NFU1: variants seen among roughly 807,000 people sequenced by gnomAD.
The protein encoded by NFU1 is NFU1 iron-sulfur cluster scaffold homolog, mitochondrial.
In NFU1, 30 loss-of-function variants were observed where a neutral mutation model predicts 32.2. The ratio of observed to expected loss-of-function variants is 0.93; its 90% CI spans 0.70 to 1.26. The LOEUF (loss-of-function observed/expected upper bound fraction) is 1.26, where lower values mean the gene tolerates loss of function less well. Among genes scored for constraint, NFU1 ranks in the 50% most tolerant of loss-of-function variants. The probability of loss-of-function intolerance (pLI) is 0.00; values close to 1 mark genes in which losing one functional copy is unlikely to be tolerated. For missense variants in NFU1, 306 were observed against 306.6 expected (o/e 1.00, Z 0.02); for synonymous variants, 112 against 104.6 (o/e 1.07, Z -0.43).
chr2:69,434,250 T>A (rs149928123), intron 1 of NFU1, among the ~76,000 whole-genome samples: 71 of 151,974 alleles, frequency 4.7e-4, no homozygotes, highest in African/African-American at 1.7e-3. Context: ...GTTCAAGCAA[T>A]TCTCCGCCTC....
chr2:69,412,392 T>C (rs985400122), intron 5 of NFU1, among the ~76,000 whole-genome samples: 13 of 151,030 alleles, frequency 8.6e-5, no homozygotes, highest in African/African-American at 3.2e-4. Context: ...AATTTTCATT[T>C]ATTTATTTTT....
At chr2:69,408,200 C>T (rs1427226598) in intron 5 of NFU1, among the ~76,000 whole-genome samples, 1 of 152,048 alleles carries the variant, frequency 6.6e-6, no homozygotes, top group African/African-American at 2.4e-5. Context: ...TATAAATTAA[C>T]ACAAATGAGA....
At chr2:69,438,400 T>A (rs1673930666), upstream of NFU1, among the ~76,000 whole-genome samples, 1 of 152,058 alleles carries the variant, frequency 6.6e-6, no homozygotes, top group Admixed American at 6.6e-5. Flanking sequence ...ATTACAGGTG[T>A]GAGCCACGGT....
chr2:69,404,498 A>G (rs1264851827), intron 6 of NFU1, among the ~76,000 whole-genome samples: 2 of 151,686 alleles, frequency 1.3e-5, no homozygotes, highest in East Asian at 3.9e-4. Flanking sequence ...CAAAAAAAAA[A>G]TATCTGTATA....
intron 2 of NFU1, among the ~76,000 whole-genome samples, chr2:69,426,604 C>A (rs896684447): frequency 4.6e-5 from 7 of 151,966 alleles, no homozygotes; most frequent in African/African-American, 1.7e-4. Context: ...CTTATAATAT[C>A]TTTTTTCTAG....
intron 2 of NFU1, among the ~76,000 whole-genome samples, chr2:69,425,650 C>T (rs898629810): frequency 6.6e-6 from 1 of 151,408 alleles, no homozygotes; most frequent in Non-Finnish European, 1.5e-5. Context: ...CCACTGTGCC[C>T]GGCCTAATTT....
At chr2:69,399,118 G>C in intron 7 of NFU1, 2 of 224,862 alleles carry the variant, frequency 8.9e-6, no homozygotes, top group Admixed American at 5.6e-5. Flanking sequence ...TGAGGGATGG[G>C]AACTGCTTCA....
At chr2:69,433,210 T>C (rs1160712918) in intron 1 of NFU1, among the ~76,000 whole-genome samples, 1 of 149,592 alleles carries the variant, frequency 6.7e-6, no homozygotes, top group Non-Finnish European at 1.5e-5. Flanking sequence ...GGAGTCTCAC[T>C]GTTGTTGGCC....
chr2:69,408,194 A>C (rs1175676268), intron 5 of NFU1, among the ~76,000 whole-genome samples: 1 of 152,126 alleles, frequency 6.6e-6, no homozygotes, highest in East Asian at 1.9e-4. Flanking sequence ...TACATGTATA[A>C]ATTAACACAA....
intron 5 of NFU1, among the ~76,000 whole-genome samples, chr2:69,408,725 T>C (rs1672779858): frequency 7.7e-6 from 1 of 130,002 alleles, no homozygotes; most frequent in African/African-American, 2.7e-5. Flanking sequence ...CTCAAAAAAA[T>C]ATAAAATTTT....
Position 69,423,582 on chromosome 2 carries a change from C to G in NFU1, c.302G>C (p.Arg101Thr), listed in dbSNP as rs777966604. 4 of 1,612,698 alleles carry G rather than the reference C, an allele frequency of 2.5e-6. No homozygotes were observed. The highest frequency in any genetic ancestry group is 3.4e-6 in the Non-Finnish European group (4 of 1,179,820). Reference sequence around the variant, plus strand: ...AAAGCAAATGAAAACAGTAATATACCTAGCCAGAGGGGAGCGAAATGCTGC... The same window carrying G: ...AAAGCAAATGAAAACAGTAATATACGTAGCCAGAGGGGAGCGAAATGCTGC... ...PAAAFRSPLA[R>T]QLFRIEGVKS... The change falls in exon 3 of 8, where the codon AGG becomes ACG. Residue 101 changes from arginine (R) to threonine (T), a missense_variant and splice_region_variant. Transcript: ENST00000410022.
At chr2:69,414,596 T>C (rs1230838866) in intron 5 of NFU1, among the ~76,000 whole-genome samples, 5 of 120,808 alleles carry the variant, frequency 4.1e-5, no homozygotes, top group Non-Finnish European at 6.4e-5. Flanking sequence ...CCAACTGGGG[T>C]GACAGAGTGA....
At chr2:69,407,094 C>G (rs1051480799) in intron 5 of NFU1, among the ~76,000 whole-genome samples, 1 of 152,086 alleles carries the variant, frequency 6.6e-6, no homozygotes, top group African/African-American at 2.4e-5. Context: ...AACCTCTTTC[C>G]TTTATAAATT....
chr2:69,415,495 T>C (rs1254689840), intron 4 of NFU1, among the ~76,000 whole-genome samples, 196 bp from the exon 5 acceptor site: 2 of 151,996 alleles, frequency 1.3e-5, no homozygotes, highest in East Asian at 3.9e-4. Context: ...TTCTCCTGCC[T>C]CAGCCTCCCA....
chr2:69,422,407 C>A (rs1673276496), intron 3 of NFU1, among the ~76,000 whole-genome samples: 1 of 152,176 alleles, frequency 6.6e-6, no homozygotes, highest in South Asian at 2.1e-4. Flanking sequence ...TTTAAACATG[C>A]CTTTATCTGG....
At chr2:69,424,219 A>ATATATCTCTCTCTC (rs1427664911) in intron 2 of NFU1, among the ~76,000 whole-genome samples, 2 of 126,876 alleles carry the variant, frequency 1.6e-5, no homozygotes, top group Admixed American at 8.7e-5. Context: ...ATATATATAT[A>ATATATCTCTCTCTC]TCTCAATATA....
chr2:69,406,097 A>T lies in NFU1; in HGVS notation c.485-15T>A. The T allele has an allele frequency of 6.6e-7, 1 of 1,504,010 alleles. No homozygotes were observed. The highest frequency in any genetic ancestry group is 1.1e-5 in the South Asian group (1 of 88,776). 93.2% of individuals were successfully genotyped at this position (1,504,010 alleles called of 1,614,324 possible). A position where few individuals can be genotyped will look rare whatever the true frequency, so the allele number is the denominator to read the frequency against. On this transcript the variant is annotated splice_polypyrimidine_tract_variant and intron_variant, in intron 5 of 7. Transcript: ENST00000410022. The stretch of plus-strand genomic sequence containing the variant: ...TTCTTCAGATCCTAGAAATAATTAC[A>T]TATAAAAACATCAAGAGTAGAAATT...
intron 2 of NFU1, among the ~76,000 whole-genome samples, chr2:69,428,047 T>C (rs1040279412): frequency 2.6e-5 from 4 of 151,604 alleles, no homozygotes; most frequent in Non-Finnish European, 4.4e-5. Flanking sequence ...AAAAAGAAAA[T>C]GAACCTTCTG....
chr2:69,408,460 C>T (rs1298355228), intron 5 of NFU1, among the ~76,000 whole-genome samples: 3 of 152,126 alleles, frequency 2.0e-5, no homozygotes, highest in Non-Finnish European at 2.9e-5. Flanking sequence ...TGGCTCACAC[C>T]TGTAATCCCA....
Sources: allele counts gnomAD v4.1 joint callset (sites outside exome capture counted in the v4.1 genomes callset), GRCh38; gene constraint gnomAD v4.1.1; transcripts MANE v1.5; gene names NCBI Gene and HGNC (gene_info 2026-07-23, HGNC 2026-07-21).